Variants in TMF1 observed in about 807,000 individuals in gnomAD.
TMF1 encodes the protein TATA element modulatory factor 1, also known as TATA element modulatory factor.
TMF1 carries 71 observed loss-of-function variants against 126.5 expected under a neutral mutation model. That is an observed-to-expected ratio of 0.56 (90% CI 0.46 to 0.68). TMF1 has a LOEUF of 0.68. Among genes scored for constraint, TMF1 ranks in the 30% least tolerant of loss-of-function variants. TMF1 has a pLI of 0.00. For synonymous variants in TMF1, 461 were observed against 430.5 expected (o/e 1.07, Z -0.88); for missense variants, 1,259 against 1,253.2 (o/e 1.00, Z -0.07).
Position 69,026,099 on chromosome 3 carries a change from TTAGGGA to T in TMF1, c.2758-8_2758-3del, listed in dbSNP as rs1411761186. The T allele has an allele frequency of 6.2e-7, 1 of 1,608,288 alleles. No homozygotes were observed. ...AGAAACAGAAAATGGCTTGCGTTCCTTAGGGAGTAAAAAAAATTCTGTTCATATTAA... is the reference window on the plus strand; with the variant it reads ...AGAAACAGAAAATGGCTTGCGTTCCTGTAAAAAAAATTCTGTTCATATTAA... On this transcript the variant is annotated splice_region_variant and splice_polypyrimidine_tract_variant and intron_variant, in intron 13 of 16. Coordinates refer to ENST00000398559, the MANE Select transcript of TMF1 (RefSeq NM_007114.3).
chr3:69,048,620 A>G (rs1461420482), intron 1 of TMF1, 58 bp from the exon 2 acceptor site: 3 of 1,379,034 alleles, frequency 2.2e-6, no homozygotes, highest in East Asian at 2.5e-5. Context: ...TAATATTTCA[A>G]TCATCATTAT....
At position 69,044,558 on chromosome 3, in the gene TMF1, TC is replaced by T. The variant is rs748837400; in HGVS notation, c.1384del (p.Glu462ArgfsTer14). 6.2e-7 allele frequency: 1 copy of T among 1,609,254 alleles called. No individual in the cohort carries two copies. The highest frequency in any genetic ancestry group is 8.5e-7 in the Non-Finnish European group (1 of 1,178,720). ...EFLNEKLEKR[E>X]AQLLSLSKEK... ...CTTACTAAGAGATAATAACTGAGCC[TC>T]CCTTTTTTCCAGCTTTTCATTCAGA... On this transcript the variant is annotated frameshift_variant, in exon 3 of 17. Coordinates refer to ENST00000398559, the MANE Select transcript of TMF1 (RefSeq NM_007114.3). LOFTEE classifies it high-confidence loss of function.
chr3:69,032,482 G>C (rs2091808208), intron 10 of TMF1, among the ~76,000 whole-genome samples: 1 of 152,170 alleles, frequency 6.6e-6, no homozygotes, highest in African/African-American at 2.4e-5. Flanking sequence ...GCTAGCTTCT[G>C]GGATACCTAT....
At chr3:69,042,721 T>C in intron 5 of TMF1, 86 bp downstream of exon 5, 3 of 1,113,326 alleles carry the variant, frequency 2.7e-6, no homozygotes, top group Non-Finnish European at 4.1e-6. Context: ...TCAGTATTTT[T>C]AATTAGGAAG....
intron 11 of TMF1, among the ~76,000 whole-genome samples, chr3:69,029,456 T>C (rs1184746832): frequency 6.6e-6 from 1 of 152,032 alleles, no homozygotes; most frequent in African/African-American, 2.4e-5. Context: ...TTTATTTTTT[T>C]TTTTTTGAGA....
In TMF1 at chr3:69,035,904, T is replaced by G. The variant is rs533900540; in HGVS notation, c.2152-789A>C. Reference sequence around the variant, plus strand: ...GACAGTACTTGGAAAAAGTGATGGATTTATGCATGGTAACTCATATATGCT... The same window carrying G: ...GACAGTACTTGGAAAAAGTGATGGAGTTATGCATGGTAACTCATATATGCT... On this transcript the variant is annotated intron_variant, in intron 8 of 16. Transcript: ENST00000398559. Among the ~76,000 whole-genome samples the G allele has an allele frequency of 7.4e-4, 112 of 152,232 alleles. 3 individuals carry two copies. The South Asian group carries it at 0.023, about 31-fold the overall frequency.
At chr3:69,042,552 C>A (rs1162244945) in intron 5 of TMF1, 2 of 583,988 alleles carry the variant, frequency 3.4e-6, no homozygotes, top group Admixed American at 4.3e-5. Context: ...TTTCTTAGGG[C>A]AGCACAAATT....
At chr3:69,030,299 A>C (rs2091791944) in intron 10 of TMF1, 1 of 244,850 alleles carries the variant, frequency 4.1e-6, no homozygotes. Flanking sequence ...CTATATGCAA[A>C]AAAACCAAAA....
intron 8 of TMF1, chr3:69,035,362 C>T (rs569720939): frequency 1.3e-5 from 6 of 471,186 alleles, no homozygotes; most frequent in Non-Finnish European, 2.3e-5. Flanking sequence ...ATGTATAAGG[C>T]ATAGCCATTA....
rs760038720 is a variant in TMF1 at position 69,026,011 on chromosome 3, T to C, written c.2844A>G (p.Thr948=). The change falls in exon 14 of 17, where the codon ACA becomes ACG. Residue 948 remains threonine, a synonymous_variant. Coordinates refer to ENST00000398559, the MANE Select transcript of TMF1 (RefSeq NM_007114.3). ...ISGVDMAGLQ[T]SFLSQDESHD... is the part of the protein sequence containing the mutation. ...AAAACATCACCTGAGACAGAAAAGA[T>C]GTCTGTAGTCCTGCCATATCAACAC... The C allele has an allele frequency of 1.2e-6, 2 of 1,612,788 alleles. No individual in the cohort carries two copies. Among genetic ancestry groups the C allele is most frequent in the Non-Finnish European group, 1.7e-6 (2 of 1,179,160 alleles).
intron 1 of TMF1, among the ~76,000 whole-genome samples, chr3:69,051,591 G>T (rs903139410): frequency 1.3e-5 from 2 of 152,168 alleles, no homozygotes; most frequent in African/African-American, 2.4e-5. Flanking sequence ...TCCCAACAGT[G>T]CCCGAGACGC....
At position 69,020,883 on chromosome 3, in the gene TMF1, A is replaced by C. The variant is rs1429352568; in HGVS notation, c.*2294T>G. The C allele has an allele frequency of 2.0e-5, 3 of 152,226 alleles. No individual in the cohort carries two copies. Among genetic ancestry groups the C allele is most frequent in the South Asian group, 4.1e-4 (2 of 4,838 alleles). 9.4% of individuals were successfully genotyped at this position (152,226 alleles called of 1,614,324 possible). A position where few individuals can be genotyped will look rare whatever the true frequency, so the allele number is the denominator to read the frequency against. On this transcript the variant is annotated 3_prime_UTR_variant, in exon 17 of 17. Coordinates refer to ENST00000398559, the MANE Select transcript of TMF1 (RefSeq NM_007114.3). Reference sequence around the variant, plus strand: ...AAAGTTTAGGAATGAGTTTTATTGCAATCTTTTCTCTGCAAATGAAGTTTT... The same window carrying C: ...AAAGTTTAGGAATGAGTTTTATTGCCATCTTTTCTCTGCAAATGAAGTTTT...
chr3:69,034,605 T>C (rs2091822376), intron 9 of TMF1, among the ~76,000 whole-genome samples: 1 of 152,198 alleles, frequency 6.6e-6, no homozygotes, highest in South Asian at 2.1e-4. Flanking sequence ...ATCCAAATAT[T>C]TCTAAGTATT....
At chr3:69,048,600 T>C (rs1216936911) in intron 1 of TMF1, 38 bp from the exon 2 acceptor site, 6 of 1,454,714 alleles carry the variant, frequency 4.1e-6, no homozygotes, top group Non-Finnish European at 4.6e-6. Flanking sequence ...AGAACACATA[T>C]ATGTTACATT....
Position 69,020,461 on chromosome 3 carries a change from C to T in TMF1, c.*2716G>A, listed in dbSNP as rs1319488012. On this transcript the variant is annotated 3_prime_UTR_variant, in exon 17 of 17. Transcript: ENST00000398559. ...GACCAAACAACCTTCCCTTTGTTTA[C>T]TCATTTTTTTATATTCTTGAAAATG... 1.3e-5 allele frequency: 2 copies of T among 152,136 alleles called. No homozygotes were observed. The highest frequency in any genetic ancestry group is 4.8e-5 in the African/African-American group (2 of 41,442). 9.4% of individuals were successfully genotyped at this position (152,136 alleles called of 1,614,324 possible). A position where few individuals can be genotyped will look rare whatever the true frequency, so the allele number is the denominator to read the frequency against.
Position 69,043,753 on chromosome 3 carries a change from T to C in TMF1, c.1575A>G (p.Lys525=). 6.2e-7 allele frequency: 1 copy of C among 1,605,276 alleles called. No individual in the cohort carries two copies. The highest frequency in any genetic ancestry group is 1.1e-5 in the South Asian group (1 of 88,672). Residue 525 remains lysine (K), a synonymous_variant, in exon 4 of 17, where the codon AAA becomes AAG. Coordinates refer to ENST00000398559, the MANE Select transcript of TMF1 (RefSeq NM_007114.3). ...QLACKERDAA[K]KEIKNIKEEL... ...TATTACTTTAAATTTCAATTACCTT[T>C]TTAGCAGCATCTCTCTCTTTGCAGG... is the stretch of plus-strand genomic sequence containing the variant.
chr3:69,047,610 T>C lies in TMF1; in HGVS notation c.1095A>G (p.Pro365=), dbSNP rs758517291. The C allele has an allele frequency of 8.7e-6, 14 of 1,614,038 alleles. No homozygotes were observed. Among genetic ancestry groups the C allele is most frequent in the African/African-American group, 2.7e-5 (2 of 74,954 alleles). The part of the protein sequence containing the change: ...LVPIIVNSST[P]KSKTVESAEG... ...CAGCAGATTCAACTGTTTTAGACTT[T>C]GGAGTTGAAGAATTAACTATAATAG... Residue 365 remains proline (P), a synonymous_variant, in exon 2 of 17, where the codon CCA becomes CCG. Coordinates refer to ENST00000398559, the MANE Select transcript of TMF1 (RefSeq NM_007114.3).
intron 8 of TMF1, 49 bp downstream of exon 8, chr3:69,038,515 C>A: frequency 6.4e-7 from 1 of 1,574,106 alleles, no homozygotes; most frequent in Admixed American, 1.8e-5. Flanking sequence ...TTTGTAGAAG[C>A]ATAAACAAAT....
intron 8 of TMF1, among the ~76,000 whole-genome samples, chr3:69,037,585 T>C (rs968514882): frequency 6.6e-6 from 1 of 152,126 alleles, no homozygotes. Flanking sequence ...GAGGTTGCAA[T>C]GAGCCGAGAT....
Sources: gnomAD v4.1 joint callset for allele counts (sites outside exome capture counted in the v4.1 genomes callset) on GRCh38, gnomAD v4.1.1 for gene constraint, MANE v1.5 for transcripts, NCBI Gene and HGNC (gene_info 2026-07-23, HGNC 2026-07-21) for gene names.